Variants in DOCK3 observed in about 807,000 individuals in gnomAD.
DOCK3 encodes the protein dedicator of cytokinesis 3.
In DOCK3, 60 loss-of-function variants were observed where a neutral mutation model predicts 265.6. That is an observed-to-expected ratio of 0.23 (90% CI 0.18 to 0.28). The LOEUF is 0.28. Ranked by LOEUF, DOCK3 falls within the 10% of genes least tolerant of loss-of-function variation. The pLI is 1.00. For synonymous variants in DOCK3, 881 were observed against 938.0 expected (o/e 0.94, Z 1.11); for missense variants, 1,981 against 2,594.3 (o/e 0.76, Z 5.14).
At chr3:50,697,956 CATGAT>C (rs980440442) in intron 1 of DOCK3, among the ~76,000 whole-genome samples, 4 of 151,922 alleles carry the variant, frequency 2.6e-5, no homozygotes, top group African/African-American at 7.2e-5. Context: ...AGTTTTCTTC[CATGAT>C]GTTTATCATC....
intron 9 of DOCK3, among the ~76,000 whole-genome samples, chr3:51,121,874 A>G (rs2106754112): frequency 6.6e-6 from 1 of 152,308 alleles, no homozygotes; most frequent in Middle Eastern, 3.4e-3. Context: ...TGTGTCCTGC[A>G]TTATTTTCAT....
intron 5 of DOCK3, among the ~76,000 whole-genome samples, chr3:50,948,554 C>CTCTTT (rs996793205): frequency 1.1e-4 from 17 of 151,794 alleles, no homozygotes; most frequent in Non-Finnish European, 2.2e-4. Flanking sequence ...CCAAACCCGG[C>CTCTTT]TCTTTTCTTT....
intron 51 of DOCK3, among the ~76,000 whole-genome samples, chr3:51,378,356 C>T (rs115025425): frequency 9.6e-4 from 146 of 152,338 alleles, no homozygotes; most frequent in Non-Finnish European, 1.8e-3. Flanking sequence ...TATCCCTGGA[C>T]AGCTGAGGGG....
At chr3:51,258,629 G>A (rs938785444) in intron 22 of DOCK3, among the ~76,000 whole-genome samples, 1 of 151,932 alleles carries the variant, frequency 6.6e-6, no homozygotes, top group East Asian at 1.9e-4. Context: ...TCAGCCTCCC[G>A]AGTACATCCT....
chr3:50,741,131 C>CTA lies in DOCK3; in HGVS notation c.38-37532_38-37531dup, dbSNP rs199832484. On this transcript the variant is annotated intron_variant, in intron 1 of 52. Transcript: ENST00000266037. ...AGAGCTTCATTATTTTTTTGGATGA[C>CTA]TATATATATATATTATATATATGTA... is the stretch of plus-strand genomic sequence containing the variant. Among the ~76,000 whole-genome samples, 960 of 150,374 alleles carry CTA rather than the reference C, an allele frequency of 6.4e-3. 9 individuals are homozygous for CTA. Among genetic ancestry groups the CTA allele is most frequent in the African/African-American group, 0.022 (885 of 41,074 alleles).
chr3:51,260,075 A>C (rs1056183266), intron 22 of DOCK3, 81 bp from the exon 23 acceptor site: 1 of 1,404,390 alleles, frequency 7.1e-7, no homozygotes, highest in African/African-American at 1.4e-5. Flanking sequence ...AACTGCTGTT[A>C]CTTTGCCCCT....
At chr3:50,992,257 A>C (rs960332820) in intron 5 of DOCK3, among the ~76,000 whole-genome samples, 1 of 152,232 alleles carries the variant, frequency 6.6e-6, no homozygotes. Context: ...AACTGAAGGA[A>C]ATCGAGATGT....
intron 4 of DOCK3, among the ~76,000 whole-genome samples, chr3:50,909,969 C>T (rs751000861): frequency 3.0e-4 from 46 of 151,984 alleles, no homozygotes; most frequent in East Asian, 1.5e-3. Context: ...TCAGAAAGAT[C>T]GTCTTCAAGC....
At chr3:51,344,292 T>A (rs1267262064) in intron 38 of DOCK3, among the ~76,000 whole-genome samples, 1 of 152,224 alleles carries the variant, frequency 6.6e-6, no homozygotes, top group Non-Finnish European at 1.5e-5. Flanking sequence ...CAACTTTTTG[T>A]GCTGTCCCTG....
intron 4 of DOCK3, among the ~76,000 whole-genome samples, chr3:50,910,003 G>A (rs1283499671): frequency 2.0e-5 from 3 of 151,830 alleles, no homozygotes; most frequent in Admixed American, 6.6e-5. Flanking sequence ...TCTCTGCTTG[G>A]TCTGTTCTGC....
At chr3:51,096,449 G>T (rs1054456985) in intron 9 of DOCK3, among the ~76,000 whole-genome samples, 1 of 151,648 alleles carries the variant, frequency 6.6e-6, no homozygotes, top group Admixed American at 6.6e-5. Flanking sequence ...TGATACTTGT[G>T]TATGCTTCAC....
chr3:51,375,693 C>T (rs542260522), intron 50 of DOCK3, 55 bp from the exon 51 acceptor site: 2 of 1,603,780 alleles, frequency 1.2e-6, no homozygotes, highest in East Asian at 2.2e-5. Context: ...AACACTGCCT[C>T]CCAAGATATA....
chr3:50,965,507 CTT>C (rs1164209718), intron 5 of DOCK3, among the ~76,000 whole-genome samples: 1 of 152,002 alleles, frequency 6.6e-6, no homozygotes, highest in Admixed American at 6.6e-5. Flanking sequence ...TTGTGAAAAA[CTT>C]TATGCCAATA....
intron 1 of DOCK3, among the ~76,000 whole-genome samples, chr3:50,741,539 C>T (rs1415584476): frequency 6.8e-5 from 10 of 147,862 alleles, no homozygotes; most frequent in African/African-American, 1.5e-4. Flanking sequence ...GTTTTTTGTT[C>T]TTGCGATAGT....
chr3:51,228,638 T>G, intron 17 of DOCK3, 23 bp from the exon 18 acceptor site: 2 of 1,604,292 alleles, frequency 1.2e-6, no homozygotes, highest in Non-Finnish European at 1.7e-6. Context: ...AGGGGACATT[T>G]TTTTCTCCAT....
chr3:51,192,622 G>A (rs968764131), intron 12 of DOCK3, among the ~76,000 whole-genome samples: 9 of 151,906 alleles, frequency 5.9e-5, no homozygotes, highest in Non-Finnish European at 7.4e-5. Context: ...GAGACCTCAC[G>A]GAAGTCTGCT....
rs1272256099 is a variant in DOCK3, at chr3:51,383,681, A to C, written c.*2122A>C. On this transcript the variant is annotated 3_prime_UTR_variant, in exon 53 of 53. Coordinates refer to ENST00000266037, the MANE Select transcript of DOCK3 (RefSeq NM_004947.5). ...AACTAAATGAAAAGGACACATTCTG[A>C]AATCCCTTTTGTTGGAGAATAAGTC... 6.6e-6 allele frequency: 1 copy of C among 152,502 alleles called. No individual in the cohort carries two copies. The highest frequency in any genetic ancestry group is 1.5e-5 in the Non-Finnish European group (1 of 68,048). The allele number at this position is 152,502 out of a possible 1,614,324, so 9.4% of individuals were successfully genotyped here.
chr3:50,765,099 T>G (rs1428464507), intron 1 of DOCK3, among the ~76,000 whole-genome samples: 4 of 90,768 alleles, frequency 4.4e-5, no homozygotes, highest in African/African-American at 7.5e-5. Context: ...TTTTTTTTTT[T>G]GAGACAGAGT....
At chr3:50,916,758 G>A (rs1364862697) in intron 4 of DOCK3, among the ~76,000 whole-genome samples, 4 of 150,880 alleles carry the variant, frequency 2.7e-5, no homozygotes, top group African/African-American at 7.3e-5. Flanking sequence ...ACAGTGAGCC[G>A]AGATTGCGCC....
Sources: allele counts gnomAD v4.1 joint callset (sites outside exome capture counted in the v4.1 genomes callset), GRCh38; gene constraint gnomAD v4.1.1; transcripts MANE v1.5; gene names NCBI Gene and HGNC (gene_info 2026-07-23, HGNC 2026-07-21).